The following HK1 variants were observed in gnomAD, a reference collection of about 807,000 sequenced individuals.
HK1 encodes hexokinase 1.
HK1 carries 28 observed loss-of-function variants against 91.6 expected under a neutral mutation model. The observed-to-expected ratio is 0.31, with a 90% CI of 0.23 to 0.42. HK1 has a LOEUF of 0.42. Ranked by LOEUF, HK1 falls within the 10% of genes least tolerant of loss-of-function variation. HK1 has a pLI of 1.00. For missense variants in HK1, 770 were observed against 1,219.8 expected (o/e 0.63, Z 5.49); for synonymous variants, 430 against 468.1 (o/e 0.92, Z 1.05).
chr10:69,318,032 G>A, upstream of HK1: 1 of 985,348 alleles, frequency 1.0e-6, no homozygotes, highest in Non-Finnish European at 1.2e-6. Context: ...AGAGCAAGAG[G>A]AGGCCCAGAG....
chr10:69,279,710 G>A (rs1464474085), intron 1 of HK1, among the ~76,000 whole-genome samples: 1 of 152,160 alleles, frequency 6.6e-6, no homozygotes. Flanking sequence ...CATAAATGCA[G>A]GACTTAAAGG....
upstream of HK1, among the ~76,000 whole-genome samples, chr10:69,318,415 C>T (rs1846775629): frequency 6.6e-6 from 1 of 152,196 alleles, no homozygotes; most frequent in Non-Finnish European, 1.5e-5. Context: ...ATGGGACCGC[C>T]TTCGTGCCCC....
At chr10:69,339,622 G>A (rs757794277) in intron 1 of HK1, among the ~76,000 whole-genome samples, 1 of 152,206 alleles carries the variant, frequency 6.6e-6, no homozygotes, top group Non-Finnish European at 1.5e-5. Context: ...ATTTAGCTTG[G>A]TTGTCCTGAA....
chr10:69,343,772 C>G, intron 1 of HK1, 55 bp from the exon 2 acceptor site: 1 of 1,458,698 alleles, frequency 6.9e-7, no homozygotes, highest in South Asian at 1.1e-5. Flanking sequence ...GGGTGCCTCA[C>G]CTTGCCCTGT....
chr10:69,314,859 G>T (rs988514660), upstream of HK1, among the ~76,000 whole-genome samples: 1 of 152,108 alleles, frequency 6.6e-6, no homozygotes. Flanking sequence ...GTAGAGACAG[G>T]GTTTCACTAT....
intron 1 of HK1, 66 bp from the exon 2 acceptor site, chr10:69,343,761 T>G (rs1589514719): frequency 8.0e-7 from 1 of 1,254,750 alleles, no homozygotes; most frequent in Admixed American, 1.7e-5. Context: ...TCTCAGCGGG[T>G]GGGTGCCTCA....
rs982835000 is a variant in HK1 at position 69,332,428 on chromosome 10, G to A, written c.64-11399G>A. On this transcript the variant is annotated intron_variant, in intron 1 of 17. Transcript: ENST00000359426. ...GACTCTTGCTCTGTCATCCAGGCTG[G>A]AGTGCACTGGCGCAATCTTGACTCA... Among the ~76,000 whole-genome samples, 4 of 136,988 alleles carry A rather than the reference G, an allele frequency of 2.9e-5. No homozygotes were observed. The Admixed American group carries it at 3.0e-4, about 10-fold the overall frequency. 89.9% of individuals were successfully genotyped at this position (136,988 alleles called of 152,430 possible).
intron 16 of HK1, among the ~76,000 whole-genome samples, 171 bp downstream of exon 16, chr10:69,395,276 T>C: frequency 6.6e-6 from 1 of 152,168 alleles, no homozygotes; most frequent in Non-Finnish European, 1.5e-5. Flanking sequence ...CTTATAATTT[T>C]ATTATAAATT....
intron 3 of HK1, among the ~76,000 whole-genome samples, chr10:69,294,207 T>C (rs1470267314): frequency 6.6e-6 from 1 of 152,166 alleles, no homozygotes; most frequent in Non-Finnish European, 1.5e-5. Context: ...ATTGCTATTG[T>C]CCTATGAGCC....
At position 69,318,936 on chromosome 10, in the gene HK1, C is replaced by T; in HGVS notation, c.-12C>T. 7.6e-6 allele frequency: 12 copies of T among 1,585,156 alleles called. No individual in the cohort carries two copies. Among genetic ancestry groups the T allele is most frequent in the Non-Finnish European group, 1.0e-5 (12 of 1,167,354 alleles). Reference sequence around the variant, plus strand: ...TCCCCACGCCTGCCGCCCCGCGACCCCGACCGCCAGCATGATCGCCGCGCA... The same window carrying T: ...TCCCCACGCCTGCCGCCCCGCGACCTCGACCGCCAGCATGATCGCCGCGCA... On this transcript the variant is annotated 5_prime_UTR_variant, in exon 1 of 18. Coordinates refer to ENST00000359426, the MANE Select transcript of HK1 (RefSeq NM_000188.3).
chr10:69,340,307 C>T (rs916751916), intron 1 of HK1, among the ~76,000 whole-genome samples: 32 of 152,170 alleles, frequency 2.1e-4, no homozygotes, highest in Non-Finnish European at 3.8e-4. Context: ...AGTGCGATGG[C>T]GCGATCTTGG....
At chr10:69,300,814 C>A (rs375868312) in exon 5 of HK1, 28 of 1,611,278 alleles carry the variant, frequency 1.7e-5, no homozygotes, top group Admixed American at 3.3e-5. Context: ...TTAATGTGCA[C>A]CACTGTGGTG....
intron 16 of HK1, among the ~76,000 whole-genome samples, chr10:69,396,424 A>G (rs1840144045): frequency 6.6e-6 from 1 of 152,086 alleles, no homozygotes; most frequent in South Asian, 2.1e-4. Flanking sequence ...TCGCACAGCT[A>G]TCACCACCAT....
intron 2 of HK1, among the ~76,000 whole-genome samples, chr10:69,353,961 G>A (rs950930280): frequency 6.6e-6 from 1 of 152,240 alleles, no homozygotes; most frequent in Non-Finnish European, 1.5e-5. Flanking sequence ...CTTGTGACTG[G>A]TGTCTGAAGT....
At chr10:69,366,044 TG>T (rs773472685) in intron 4 of HK1, among the ~76,000 whole-genome samples, 43 of 152,154 alleles carry the variant, frequency 2.8e-4, no homozygotes, top group Admixed American at 2.3e-3. Context: ...TTGGCCAGGC[TG>T]GTCTCAAACT....
At position 69,388,662 on chromosome 10, in the gene HK1, C is replaced by T. The variant is rs12360012; in HGVS notation, c.1936-535C>T. On this transcript the variant is annotated intron_variant, in intron 13 of 17. Coordinates refer to ENST00000359426, the MANE Select transcript of HK1 (RefSeq NM_000188.3). ...TCATTGCATTTAGATCAACCTCATT[C>T]TTTTTCCTGGCTGCGTAGGATTCCA... Among the ~76,000 whole-genome samples, 1,366 of 152,304 alleles carry T rather than the reference C, an allele frequency of 9.0e-3. 12 individuals carry two copies. Among genetic ancestry groups the T allele is most frequent in the Middle Eastern group, 0.048 (14 of 294 alleles).
intron 2 of HK1, among the ~76,000 whole-genome samples, chr10:69,347,840 C>T (rs1285665605): frequency 6.6e-6 from 1 of 152,136 alleles, no homozygotes; most frequent in Non-Finnish European, 1.5e-5. Context: ...ATAAAGTTCT[C>T]CTTGGAGGGT....
At chr10:69,315,417 C>A (rs188373440), upstream of HK1, among the ~76,000 whole-genome samples, 16 of 152,070 alleles carry the variant, frequency 1.1e-4, no homozygotes, top group Non-Finnish European at 1.5e-5. Flanking sequence ...TCACTCCAAC[C>A]CCAACTTGTG....
intron 1 of HK1, among the ~76,000 whole-genome samples, chr10:69,335,547 AG>A (rs1847935098): frequency 6.6e-6 from 1 of 152,222 alleles, no homozygotes; most frequent in Non-Finnish European, 1.5e-5. Flanking sequence ...GCACAGGACC[AG>A]GAATCAGGGA....
Sources: allele counts gnomAD v4.1 joint callset (sites outside exome capture counted in the v4.1 genomes callset), GRCh38; gene constraint gnomAD v4.1.1; transcripts MANE v1.5; gene names NCBI Gene and HGNC (gene_info 2026-07-23, HGNC 2026-07-21).